GTF2I: variants seen among roughly 807,000 people sequenced by gnomAD.
GTF2I encodes the protein general transcription factor IIi, also known as general transcription factor II-I.
A neutral mutation model predicts 67.6 loss-of-function variants in GTF2I; 12 were observed. That is an observed-to-expected ratio of 0.18 (90% CI 0.11 to 0.29). The LOEUF (loss-of-function observed/expected upper bound fraction) is 0.29. Ranked by LOEUF, GTF2I falls within the 10% of genes least tolerant of loss-of-function variation. GTF2I has a pLI of 1.00. For missense variants in GTF2I, 271 were observed against 580.1 expected, an observed-to-expected ratio of 0.47 and a Z score of 5.47; for synonymous variants, 149 against 197.0, an observed-to-expected ratio of 0.76 and a Z score of 2.04.
At chr7:74,681,322 C>G (rs1787248723) in intron 1 of GTF2I, among the ~76,000 whole-genome samples, 1 of 152,034 alleles carries the variant, frequency 6.6e-6, no homozygotes, top group South Asian at 2.1e-4. Context: ...GTAATCCGAA[C>G]TACTTGGGAG....
In GTF2I at chr7:74,692,241, T is replaced by A. The variant is rs184720027; in HGVS notation, c.238+1130T>A. Among the ~76,000 whole-genome samples the A allele has an allele frequency of 2.0e-3, 298 of 152,018 alleles. 2 individuals carry two copies. The highest frequency in any genetic ancestry group is 2.8e-3 in the Non-Finnish European group (191 of 67,968). ...GGTGCACACCACCATACCTAGATAA[T>A]TTTTTGTATTTTTAGTACAGACAGG... On this transcript the variant is annotated intron_variant, in intron 3 of 34. Coordinates refer to ENST00000573035, the MANE Select transcript of GTF2I (RefSeq NM_032999.4).
In GTF2I at chr7:74,714,838, T is replaced by G. The variant is rs1441082156; in HGVS notation, c.764-19T>G. On this transcript the variant is annotated intron_variant, in intron 9 of 34. Transcript: ENST00000573035. ...TTTGGGGGGGATTACTTTTGAAGTA[T>G]TATCTTTGTATCCCAAAGCAGGCCC... is the stretch of plus-strand genomic sequence containing the variant. The G allele has an allele frequency of 5.7e-6, 9 of 1,576,124 alleles. No individual in the cohort carries two copies. The highest frequency in any genetic ancestry group is 1.8e-5 in the Admixed American group (1 of 56,878).
At chr7:74,724,405 T>C (rs758873251) in intron 12 of GTF2I, among the ~76,000 whole-genome samples, 1 of 152,232 alleles carries the variant, frequency 6.6e-6, no homozygotes, top group Non-Finnish European at 1.5e-5. Flanking sequence ...ACATAGTCTA[T>C]TTATTGATTC....
At chr7:74,667,413 C>T (rs1190401212) in intron 1 of GTF2I, among the ~76,000 whole-genome samples, 5 of 152,136 alleles carry the variant, frequency 3.3e-5, no homozygotes, top group Admixed American at 1.3e-4. Flanking sequence ...CCATTTACAC[C>T]GTGAATGCCT....
intron 12 of GTF2I, among the ~76,000 whole-genome samples, chr7:74,725,531 T>TAA (rs34123125): frequency 7.6e-4 from 111 of 146,508 alleles, no homozygotes; most frequent in South Asian, 1.5e-3. Context: ...CTACAAAAGT[T>TAA]AAAAAAAAAA....
intron 1 of GTF2I, among the ~76,000 whole-genome samples, chr7:74,660,781 C>T (rs977242942): frequency 6.6e-6 from 1 of 152,144 alleles, no homozygotes; most frequent in Admixed American, 6.6e-5. Context: ...TCCACCACGC[C>T]CGGCTAAGGG....
Position 74,672,569 on chromosome 7 carries a change from A to C in GTF2I, c.-6+14501A>C, listed in dbSNP as rs139208698. Among the ~76,000 whole-genome samples the C allele has an allele frequency of 7.4e-3, 1,126 of 152,170 alleles. 3 individuals are homozygous for C. The highest frequency in any genetic ancestry group is 0.012 in the African/African-American group (515 of 41,530). On this transcript the variant is annotated intron_variant, in intron 1 of 34. Transcript: ENST00000573035. ...AAAACAAACAAACAAACAAAAAAAA[A>C]CACAGAGCCTGTGAATTGCTGACCT...
At chr7:74,705,609 G>C (rs1554401134) in intron 7 of GTF2I, among the ~76,000 whole-genome samples, 1 of 149,454 alleles carries the variant, frequency 6.7e-6, no homozygotes, top group Non-Finnish European at 1.5e-5. Flanking sequence ...CCATGCTAGA[G>C]TGAAGTGGCG....
At chr7:74,686,429 A>G (rs1787731015) in intron 1 of GTF2I, among the ~76,000 whole-genome samples, 1 of 152,208 alleles carries the variant, frequency 6.6e-6, no homozygotes, top group South Asian at 2.1e-4. Context: ...CCCTAGTTTC[A>G]TGTTCTGACT....
chr7:74,752,996 CA>C (rs1644920384), intron 28 of GTF2I, 97 bp from the exon 29 acceptor site: 1 of 1,095,594 alleles, frequency 9.1e-7, no homozygotes, highest in African/African-American at 1.6e-5. Context: ...CCCAAGAGTT[CA>C]AGGCCAGTCT....
intron 7 of GTF2I, 137 bp from the exon 8 acceptor site, chr7:74,706,253 A>C: frequency 1.5e-6 from 1 of 677,252 alleles, no homozygotes. Context: ...TAAATATGTC[A>C]GTTTTAAGCT....
chr7:74,716,665 G>T, intron 10 of GTF2I: 1 of 439,398 alleles, frequency 2.3e-6, no homozygotes, highest in Admixed American at 3.6e-5. Flanking sequence ...AACCTACTTA[G>T]GTCTACTCTG....
At chr7:74,669,801 G>A (rs371152943) in intron 1 of GTF2I, among the ~76,000 whole-genome samples, 2 of 152,228 alleles carry the variant, frequency 1.3e-5, no homozygotes, top group African/African-American at 4.8e-5. Flanking sequence ...AAAGTGCGGG[G>A]ATTACAGGTG....
At chr7:74,702,257 C>G (rs1056867389) in intron 6 of GTF2I, among the ~76,000 whole-genome samples, 45 of 150,446 alleles carry the variant, frequency 3.0e-4, no homozygotes, top group African/African-American at 1.1e-3. Flanking sequence ...GAGACGGAGT[C>G]TCGTTCTGTC....
chr7:74,677,418 G>A (rs587654080), intron 1 of GTF2I, among the ~76,000 whole-genome samples: 1 of 152,158 alleles, frequency 6.6e-6, no homozygotes, highest in East Asian at 1.9e-4. Flanking sequence ...TTCTGACTGA[G>A]GATGTTTCTG....
At chr7:74,732,111 A>G (rs587610298) in intron 14 of GTF2I, among the ~76,000 whole-genome samples, 1 of 147,774 alleles carries the variant, frequency 6.8e-6, no homozygotes, top group African/African-American at 2.5e-5. Context: ...ACACATATAC[A>G]TATATATGTA....
chr7:74,658,677 C>CCCCCG (rs1244449105), intron 1 of GTF2I, among the ~76,000 whole-genome samples: 78 of 150,456 alleles, frequency 5.2e-4, no homozygotes, highest in Admixed American at 1.5e-3. Context: ...GGAGCGCTGT[C>CCCCCG]CCCCGCCCCG....
chr7:74,691,490 G>A (rs1211421116), intron 3 of GTF2I, among the ~76,000 whole-genome samples: 1 of 152,094 alleles, frequency 6.6e-6, no homozygotes, highest in Non-Finnish European at 1.5e-5. Flanking sequence ...TTATAGGCGT[G>A]GGCCACTGCG....
chr7:74,674,371 C>T (rs1805717574), intron 1 of GTF2I, among the ~76,000 whole-genome samples: 1 of 152,080 alleles, frequency 6.6e-6, no homozygotes, highest in African/African-American at 2.4e-5. Context: ...CAGTCTGAGT[C>T]ACTTTTAAAC....
Sources: allele counts gnomAD v4.1 joint callset (sites outside exome capture counted in the v4.1 genomes callset), GRCh38; gene constraint gnomAD v4.1.1; transcripts MANE v1.5; gene names NCBI Gene and HGNC (gene_info 2026-07-23, HGNC 2026-07-21).